The following SLC9A1 variants were observed in gnomAD, a reference collection of about 807,000 sequenced individuals.
The protein encoded by SLC9A1 is sodium/hydrogen exchanger 1.
Under a neutral mutation model 67.9 loss-of-function variants are expected in SLC9A1, and 22 were observed. The observed-to-expected ratio is 0.32, with a 90% confidence interval of 0.23 to 0.46. The LOEUF (loss-of-function observed/expected upper bound fraction) is 0.46, where lower values mean the gene tolerates loss of function less well. SLC9A1 is among the 20% of genes least tolerant of loss of function. The pLI is 1.00. For synonymous variants in SLC9A1, 421 were observed against 471.8 expected (o/e 0.89, Z 1.40); for missense variants, 686 against 1,094.8 (o/e 0.63, Z 5.27).
intron 1 of SLC9A1, among the ~76,000 whole-genome samples, chr1:27,131,947 A>AAAAAAATATAT: frequency 3.8e-4 from 20 of 52,116 alleles, no homozygotes; most frequent in Admixed American, 9.1e-4. Flanking sequence ...AGAAAAAAAA[A>AAAAAAATATAT]ATATATATAT....
At position 27,103,310 on chromosome 1, in the gene SLC9A1, G is replaced by A. The variant is rs371267864; in HGVS notation, c.1488C>T (p.Gly496=). 9 of 1,612,416 alleles carry A rather than the reference G, an allele frequency of 5.6e-6. No individual in the cohort carries two copies. Among genetic ancestry groups the A allele is most frequent in the Non-Finnish European group, 6.8e-6 (8 of 1,178,640 alleles). Residue 496 remains glycine (G), a splice_region_variant and synonymous_variant, in exon 6 of 12, where the codon GGC becomes GGT. Transcript: ENST00000263980. ...GGTCTACCAGGGGCCGAATGGTCAT[G>A]CCCTGGGGGGCAGGCAGGTGTCAGG... is the stretch of plus-strand genomic sequence containing the variant. ...TVIFFTVFVQ[G]MTIRPLVDLL... is the part of the protein sequence containing the mutation.
chr1:27,145,144 T>C (rs1014875688), intron 1 of SLC9A1, among the ~76,000 whole-genome samples: 7 of 151,538 alleles, frequency 4.6e-5, no homozygotes, highest in African/African-American at 1.7e-4. Context: ...CTTATGGAAA[T>C]TGGTACTAAG....
At chr1:27,127,442 G>C (rs1476338563) in intron 1 of SLC9A1, among the ~76,000 whole-genome samples, 2 of 152,216 alleles carry the variant, frequency 1.3e-5, no homozygotes, top group African/African-American at 4.8e-5. Context: ...CATTGAGAGA[G>C]GTCCAGACAC....
At chr1:27,110,365 TA>T (rs2083219789) in intron 2 of SLC9A1, among the ~76,000 whole-genome samples, 2 of 152,056 alleles carry the variant, frequency 1.3e-5, no homozygotes, top group Admixed American at 1.3e-4. Context: ...TTTCTGAAAA[TA>T]CACATGTTCA....
chr1:27,144,070 T>C (rs1226952049), intron 1 of SLC9A1, among the ~76,000 whole-genome samples: 2 of 152,194 alleles, frequency 1.3e-5, no homozygotes, highest in Non-Finnish European at 2.9e-5. Flanking sequence ...TAAAAATAAA[T>C]CTGCCATAGA....
intron 3 of SLC9A1, 100 bp from the exon 4 acceptor site, chr1:27,107,965 G>A (rs1170691001): frequency 8.4e-6 from 7 of 836,054 alleles, no homozygotes; most frequent in South Asian, 7.6e-5. Context: ...AGGTGCCCAT[G>A]TCCCAAGCTC....
rs2083385499 is a variant in SLC9A1, at chr1:27,131,710, G to T, written c.353-17424C>A. ...TGCAGTGATCTGAGATCGCACCACT[G>T]CACTCCAGCCTGGCAACAGAATGAG... is the stretch of plus-strand genomic sequence containing the variant. On this transcript the variant is annotated intron_variant, in intron 1 of 11. Transcript: ENST00000263980. Among the ~76,000 whole-genome samples, 3 of 142,376 alleles carry T rather than the reference G, an allele frequency of 2.1e-5. No individual in the cohort carries two copies. The Admixed American group carries it at 2.1e-4, about 10-fold the overall frequency. The allele number at this position is 142,376 out of a possible 152,430, so 93.4% of individuals were successfully genotyped here.
rs554952402 is a variant in SLC9A1, at chr1:27,102,098, C to A, written c.1853G>T (p.Arg618Leu). 28 of 1,613,854 alleles carry A rather than the reference C, an allele frequency of 1.7e-5. No individual in the cohort carries two copies. Among genetic ancestry groups the A allele is most frequent in the Non-Finnish European group, 2.4e-5 (28 of 1,179,924 alleles). ...NIHPKSLPSERILPALSKDKE... is the reference protein window; with the variant it reads ...NIHPKSLPSELILPALSKDKE... ...GTCCTTGGACAGTGCTGGCAGGATGCGCTCGGAAGGCAGGGACTTGGGGTG... is the reference window on the plus strand; with the variant it reads ...GTCCTTGGACAGTGCTGGCAGGATGAGCTCGGAAGGCAGGGACTTGGGGTG... Residue 618 changes from arginine to leucine, a missense_variant, in exon 9 of 12, where the codon CGC becomes CTC. Physicochemically the swap from Arg to Leu is moderately radical, Grantham distance 102. This residue lies in a region of SLC9A1 where 226 missense variants were observed against 282.4 expected (regional missense o/e 0.80). Coordinates refer to ENST00000263980, the MANE Select transcript of SLC9A1 (RefSeq NM_003047.5).
intron 1 of SLC9A1, among the ~76,000 whole-genome samples, chr1:27,140,776 C>T (rs1156883857): frequency 6.6e-6 from 1 of 152,116 alleles, no homozygotes; most frequent in East Asian, 1.9e-4. Flanking sequence ...ATGTTTCAGA[C>T]GATCAGTCTT....
chr1:27,134,605 G>A (rs1001079997), intron 1 of SLC9A1, among the ~76,000 whole-genome samples: 2 of 151,764 alleles, frequency 1.3e-5, no homozygotes, highest in Non-Finnish European at 2.9e-5. Flanking sequence ...CAGGGTGAAC[G>A]GCCGCAAGTG....
At chr1:27,119,806 G>T (rs1365815452) in intron 1 of SLC9A1, among the ~76,000 whole-genome samples, 1 of 152,186 alleles carries the variant, frequency 6.6e-6, no homozygotes, top group African/African-American at 2.4e-5. Context: ...TTTCTAAGGG[G>T]CGTGTGAGCC....
At chr1:27,152,517 T>G (rs2083536379) in intron 1 of SLC9A1, among the ~76,000 whole-genome samples, 2 of 152,046 alleles carry the variant, frequency 1.3e-5, no homozygotes, top group Admixed American at 1.3e-4. Context: ...AAATTGAGAG[T>G]CTTAACCATT....
Position 27,109,464 on chromosome 1 carries a change from A to G in SLC9A1, c.1064+63T>C. On this transcript the variant is annotated intron_variant, in intron 3 of 11. Coordinates refer to ENST00000263980, the MANE Select transcript of SLC9A1 (RefSeq NM_003047.5). The surrounding 1 kb of genome is among the most constrained non-coding windows in gnomAD (Gnocchi z 5.5). ...CTCCGTGAACCTACGAGCCTGGGGA[A>G]TCCAAGCTGGCAGCCCCCGCCCCCA... 2 of 1,522,864 alleles carry G rather than the reference A, an allele frequency of 1.3e-6. No homozygotes were observed. The highest frequency in any genetic ancestry group is 3.4e-5 in the Admixed American group (2 of 58,784). The allele number at this position is 1,522,864 out of a possible 1,614,324, so 94.3% of individuals were successfully genotyped here.
In SLC9A1 at chr1:27,109,735, C is replaced by A; in HGVS notation, c.856G>T (p.Val286Leu). 7 of 1,614,074 alleles carry A rather than the reference C, an allele frequency of 4.3e-6. No homozygotes were observed. Among genetic ancestry groups the A allele is most frequent in the Non-Finnish European group, 5.9e-6 (7 of 1,180,026 alleles). ...LFEEFANYEH[V>L]GIVDIFLGFL... ...CCGAGGAAGATGTCCACGATGCCCACGTGTTCGTAGTTGGCAAACTCCTCA... is the reference window on the plus strand; with the variant it reads ...CCGAGGAAGATGTCCACGATGCCCAAGTGTTCGTAGTTGGCAAACTCCTCA... Residue 286 changes from valine (V) to leucine (L), a missense_variant, in exon 3 of 12, where the codon GTG becomes TTG. By Grantham distance (32) the Val-to-Leu change is conservative. Coordinates refer to ENST00000263980, the MANE Select transcript of SLC9A1 (RefSeq NM_003047.5). This position sits in a 1 kb window ranked among gnomAD's most constrained non-coding sequence, Gnocchi z 5.5.
At chr1:27,123,825 T>C (rs1175668900) in intron 1 of SLC9A1, among the ~76,000 whole-genome samples, 1 of 151,004 alleles carries the variant, frequency 6.6e-6, no homozygotes, top group Non-Finnish European at 1.5e-5. Flanking sequence ...TATTGGGCTT[T>C]AAAAAAAAAT....
intron 1 of SLC9A1, among the ~76,000 whole-genome samples, chr1:27,142,692 GC>G (rs1195788228): frequency 6.6e-6 from 1 of 152,220 alleles, no homozygotes; most frequent in Non-Finnish European, 1.5e-5. Flanking sequence ...TGGCAACCCA[GC>G]AGACCCAGAG....
At chr1:27,107,456 T>C (rs575542634) in intron 4 of SLC9A1, among the ~76,000 whole-genome samples, 192 bp downstream of exon 4, 1 of 131,554 alleles carries the variant, frequency 7.6e-6, no homozygotes, top group South Asian at 2.5e-4. Context: ...ACACACGCAA[T>C]ACGCATACAC....
rs532376455 is a variant in SLC9A1 at position 27,127,833 on chromosome 1, A to G, written c.353-13547T>C. On this transcript the variant is annotated intron_variant, in intron 1 of 11. Transcript: ENST00000263980. ...CTACCTCCAAATGCCTCAAAAGACC[A>G]GAAAACTACAATTCTGAGAAAAGAA... Among the ~76,000 whole-genome samples, 33 of 152,308 alleles carry G rather than the reference A, an allele frequency of 2.2e-4. 1 individual carries two copies. In the East Asian group the frequency reaches 5.4e-3, roughly 25 times the overall value.
Position 27,127,145 on chromosome 1 carries a change from C to T in SLC9A1, c.353-12859G>A, listed in dbSNP as rs771305129. Among the ~76,000 whole-genome samples the T allele has an allele frequency of 4.2e-4, 64 of 152,064 alleles. 1 individual carries two copies. Among genetic ancestry groups the T allele is most frequent in the Non-Finnish European group, 6.2e-4 (42 of 68,020 alleles). ...CCCCCCATGTAACTGGGACTACAGG[C>T]GCGTGCCACCATGCCTAGCTAGTTT... is the stretch of plus-strand genomic sequence containing the variant. On this transcript the variant is annotated intron_variant, in intron 1 of 11. Coordinates refer to ENST00000263980, the MANE Select transcript of SLC9A1 (RefSeq NM_003047.5).
Sources: gnomAD v4.1 joint callset for allele counts (sites outside exome capture counted in the v4.1 genomes callset) on GRCh38, gnomAD v4.1.1 for gene constraint, gnomAD v4.1.1 regional missense constraint, Gnocchi (gnomAD v3.1) non-coding constraint, MANE v1.5 for transcripts, NCBI Gene and HGNC (gene_info 2026-07-23, HGNC 2026-07-21) for gene names.